Variants in C11orf16 observed in about 807,000 individuals in gnomAD.
C11orf16 encodes the protein chromosome 11 open reading frame 16.
C11orf16 carries 38 observed loss-of-function variants against 45.1 expected under a neutral mutation model. The ratio of observed to expected loss-of-function variants is 0.84; its 90% CI spans 0.65 to 1.10. The LOEUF (loss-of-function observed/expected upper bound fraction) is 1.10. Among genes scored for constraint, C11orf16 ranks in the 50% least tolerant of loss-of-function variants. C11orf16 has a pLI of 0.00. For synonymous variants in C11orf16, 221 were observed against 222.0 expected, an observed-to-expected ratio of 1.00 and a Z score of 0.04; for missense variants, 583 against 569.5, an observed-to-expected ratio of 1.02 and a Z score of -0.24.
At chr11:8,922,760 A>G (rs550698073) in intron 5 of C11orf16, among the ~76,000 whole-genome samples, 1 of 152,236 alleles carries the variant, frequency 6.6e-6, no homozygotes, top group African/African-American at 2.4e-5. Context: ...GAGAAGCAAA[A>G]CAGCACATTT....
chr11:8,924,841 T>G (rs2064598894), intron 5 of C11orf16, among the ~76,000 whole-genome samples: 1 of 152,146 alleles, frequency 6.6e-6, no homozygotes, highest in African/African-American at 2.4e-5. Flanking sequence ...TTAGATAGGA[T>G]GGGCTCCCCG....
At chr11:8,930,418 C>T (rs2742511) in intron 2 of C11orf16, among the ~76,000 whole-genome samples, 1 of 89,898 alleles carries the variant, frequency 1.1e-5, no homozygotes, top group Admixed American at 1.4e-4. Flanking sequence ...GAGCGAGACT[C>T]TGTCTCAAAA....
intron 2 of C11orf16, among the ~76,000 whole-genome samples, chr11:8,930,544 C>T (rs772785492): frequency 6.6e-6 from 1 of 151,540 alleles, no homozygotes; most frequent in Non-Finnish European, 1.5e-5. Context: ...AATTGTAATG[C>T]CACTTGATGC....
intron 4 of C11orf16, among the ~76,000 whole-genome samples, chr11:8,926,700 A>T (rs907183834): frequency 2.0e-5 from 3 of 152,098 alleles, no homozygotes; most frequent in African/African-American, 4.8e-5. Flanking sequence ...CAACATAGAT[A>T]TGAGAGTTTT....
chr11:8,924,731 C>G (rs1479780510), intron 5 of C11orf16, among the ~76,000 whole-genome samples: 1 of 152,114 alleles, frequency 6.6e-6, no homozygotes, highest in Non-Finnish European at 1.5e-5. Context: ...GTTCAGTGAC[C>G]CCAGGACTCC....
intron 2 of C11orf16, among the ~76,000 whole-genome samples, chr11:8,930,065 G>C (rs2064639903): frequency 6.6e-6 from 1 of 151,672 alleles, no homozygotes; most frequent in South Asian, 2.1e-4. Flanking sequence ...GGTTGCAGTG[G>C]GCTGAAATGA....
At chr11:8,928,959 C>T (rs1482675700) in intron 3 of C11orf16, 1 of 167,728 alleles carries the variant, frequency 6.0e-6, no homozygotes, top group Non-Finnish European at 1.3e-5. Flanking sequence ...GGCAGACACA[C>T]ACTCAGGGAG....
intron 5 of C11orf16, among the ~76,000 whole-genome samples, chr11:8,922,560 A>T (rs2064582500): frequency 6.6e-6 from 1 of 152,208 alleles, no homozygotes; most frequent in African/African-American, 2.4e-5. Flanking sequence ...CCTCCCTAGG[A>T]CTATTAGGAT....
chr11:8,924,556 A>C (rs967785250), intron 5 of C11orf16, among the ~76,000 whole-genome samples: 2 of 149,286 alleles, frequency 1.3e-5, no homozygotes, highest in East Asian at 2.0e-4. Context: ...ACAACAACAA[A>C]AACCCTCATG....
At chr11:8,928,936 AGG>A (rs1210439322) in intron 3 of C11orf16, 3 of 161,588 alleles carry the variant, frequency 1.9e-5, no homozygotes, top group Non-Finnish European at 4.1e-5. Flanking sequence ...GTCCTTATAA[AGG>A]GGGAAATGTG....
At chr11:8,930,567 G>A (rs1178303327) in intron 2 of C11orf16, among the ~76,000 whole-genome samples, 1 of 152,074 alleles carries the variant, frequency 6.6e-6, no homozygotes, top group Non-Finnish European at 1.5e-5. Flanking sequence ...TGGGGTCAGA[G>A]GGATGAGGAA....
At chr11:8,923,353 TG>T (rs913574232) in intron 5 of C11orf16, among the ~76,000 whole-genome samples, 1 of 152,208 alleles carries the variant, frequency 6.6e-6, no homozygotes, top group African/African-American at 2.4e-5. Context: ...TCCCCTATGC[TG>T]GGCTTGGCAC....
rs1278198859 is a variant in C11orf16, at chr11:8,927,071, A to C, written c.428T>G (p.Ile143Ser). Residue 143 changes from isoleucine (I) to serine (S), a missense_variant, in exon 4 of 7, where the codon ATT (isoleucine) becomes AGT (serine). By Grantham distance (142) the Ile-to-Ser change is moderately radical. Coordinates refer to ENST00000326053, the MANE Select transcript of C11orf16 (RefSeq NM_020643.3). ...GTATCCTACAGATGGTGAGAGAGGA[A>C]TGACATCCTCTTCTAAGACCACTCT... ...QQRVVLEEDV[I>S]PLSPSVGYSL... The C allele has an allele frequency of 6.2e-7, 1 of 1,613,946 alleles. No individual in the cohort carries two copies. Among genetic ancestry groups the C allele is most frequent in the South Asian group, 1.1e-5 (1 of 91,080 alleles).
At chr11:8,922,631 A>T (rs928247921) in intron 5 of C11orf16, among the ~76,000 whole-genome samples, 14 of 152,190 alleles carry the variant, frequency 9.2e-5, no homozygotes, top group Non-Finnish European at 1.5e-5. Context: ...GGACAGAGAA[A>T]CCTATGCAAG....
intron 5 of C11orf16, among the ~76,000 whole-genome samples, chr11:8,923,477 C>G (rs887140110): frequency 1.3e-5 from 2 of 152,158 alleles, no homozygotes; most frequent in African/African-American, 4.8e-5. Context: ...AGCATGAAAA[C>G]TCTAGAGTTC....
intron 3 of C11orf16, chr11:8,927,695 G>A (rs1218117909): frequency 2.2e-5 from 10 of 456,124 alleles, no homozygotes; most frequent in East Asian, 2.1e-4. Context: ...TGCAGTCAAC[G>A]AGGAAAGGGT....
At position 8,932,156 on chromosome 11, in the gene C11orf16, G is replaced by A; in HGVS notation, c.153C>T (p.His51=). 2 of 1,583,138 alleles carry A rather than the reference G, an allele frequency of 1.3e-6. No individual in the cohort carries two copies. Among genetic ancestry groups the A allele is most frequent in the Non-Finnish European group, 1.7e-6 (2 of 1,165,176 alleles). ...FALQAPWLTG[H]KPLARHASSC... is the part of the protein sequence containing the mutation. ...GAGACAGGTACCTTGCAAGGGGCTT[G>A]TGCCCGGTGAGCCAGGGTGCTTGGA... Residue 51 remains histidine (H), a synonymous_variant, in exon 2 of 7, where the codon CAC becomes CAT. Coordinates refer to ENST00000326053, the MANE Select transcript of C11orf16 (RefSeq NM_020643.3).
At position 8,929,229 on chromosome 11, in the gene C11orf16, A is replaced by AT. The variant is rs568021518; in HGVS notation, c.324+147dup. The AT allele has an allele frequency of 5.9e-5, 47 of 791,774 alleles. No homozygotes were observed. In the East Asian group the frequency reaches 8.2e-4, roughly 14 times the overall value. The allele number at this position is 791,774 out of a possible 1,614,324, so 49.0% of individuals were successfully genotyped here. A position where few individuals can be genotyped will look rare whatever the true frequency, so the allele number is the denominator to read the frequency against. ...CTAGCAAACTAATACACTCAATGGT[A>AT]TTACATGTTCACTTCTACAACATGG... On this transcript the variant is annotated intron_variant, in intron 3 of 6. Coordinates refer to ENST00000326053, the MANE Select transcript of C11orf16 (RefSeq NM_020643.3).
intron 6 of C11orf16, among the ~76,000 whole-genome samples, chr11:8,920,981 TTAAG>T (rs1166170859): frequency 6.6e-6 from 1 of 152,058 alleles, no homozygotes; most frequent in Non-Finnish European, 1.5e-5. Context: ...GAAATAAAGT[TTAAG>T]TAGGGCTATA....
Sources: allele counts gnomAD v4.1 joint callset (sites outside exome capture counted in the v4.1 genomes callset), GRCh38; gene constraint gnomAD v4.1.1; transcripts MANE v1.5; gene names NCBI Gene and HGNC (gene_info 2026-07-23, HGNC 2026-07-21).